Variants in PRR5L observed in about 807,000 individuals in gnomAD.
The protein encoded by PRR5L is proline-rich protein 5-like.
Under a neutral mutation model 36.4 loss-of-function variants are expected in PRR5L, and 21 were observed. That is an observed-to-expected ratio of 0.58 (90% confidence interval 0.41 to 0.83). The LOEUF is 0.83. Among genes scored for constraint, PRR5L ranks in the 40% least tolerant of loss-of-function variants. PRR5L has a pLI of 0.00. For synonymous variants in PRR5L, 188 were observed against 197.0 expected, an observed-to-expected ratio of 0.95 and a Z score of 0.38; for missense variants, 381 against 473.3, an observed-to-expected ratio of 0.80 and a Z score of 1.81.
At chr11:36,361,432 ATAAC>A (rs1248701508) in intron 1 of PRR5L, among the ~76,000 whole-genome samples, 2 of 152,374 alleles carry the variant, frequency 1.3e-5, no homozygotes, top group East Asian at 3.9e-4. Flanking sequence ...CGATTAATAA[ATAAC>A]CAAGGATTTT....
rs200270357 is a variant in PRR5L, at chr11:36,413,791, C to T, written c.246-5464C>T. ...GTTAGTTACATATGTATACATGTGC[C>T]ATGCTGGTGTGCTGCACCCATTAAC... On this transcript the variant is annotated intron_variant, in intron 3 of 8. Transcript: ENST00000530639. Among the ~76,000 whole-genome samples, 56 of 149,960 alleles carry T rather than the reference C, an allele frequency of 3.7e-4. 1 individual carries two copies. In the East Asian group the frequency reaches 0.011, roughly 30 times the overall value.
chr11:36,377,093 C>T lies in PRR5L; in HGVS notation c.-125-23904C>T, dbSNP rs559295381. Among the ~76,000 whole-genome samples the T allele has an allele frequency of 3.3e-5, 5 of 152,290 alleles. No homozygotes were observed. The South Asian group carries it at 1.0e-3, about 32-fold the overall frequency. ...CGGCTTGTTTGACTCTCTCGTTCTCCCTCTGGGGGGCAAATCTAAAGAGCT... is the reference window on the plus strand; with the variant it reads ...CGGCTTGTTTGACTCTCTCGTTCTCTCTCTGGGGGGCAAATCTAAAGAGCT... On this transcript the variant is annotated intron_variant, in intron 1 of 8. Transcript: ENST00000530639. The surrounding 1 kb of genome is among the most constrained non-coding windows in gnomAD (Gnocchi z 5.1).
intron 1 of PRR5L, among the ~76,000 whole-genome samples, chr11:36,326,018 A>G (rs1235536170): frequency 6.6e-6 from 1 of 152,158 alleles, no homozygotes; most frequent in Non-Finnish European, 1.5e-5. Flanking sequence ...GAGTATTTCA[A>G]ATTATTTTTC....
At chr11:36,360,075 CCACA>C (rs34673599) in intron 1 of PRR5L, among the ~76,000 whole-genome samples, 83 of 147,946 alleles carry the variant, frequency 5.6e-4, no homozygotes, top group African/African-American at 7.5e-4. Context: ...ACACACACAC[CCACA>C]CACACACACA....
chr11:36,327,286 A>T (rs915629801), intron 1 of PRR5L, among the ~76,000 whole-genome samples: 10 of 152,310 alleles, frequency 6.6e-5, no homozygotes, highest in Middle Eastern at 3.4e-3. Flanking sequence ...TCATGCCATG[A>T]TGGGAATCGG....
chr11:36,336,638 A>G (rs776343419), intron 1 of PRR5L, among the ~76,000 whole-genome samples: 2 of 148,116 alleles, frequency 1.4e-5, no homozygotes, highest in Non-Finnish European at 3.0e-5. Context: ...AGTACCTGGT[A>G]GGTGCTTAAG....
chr11:36,439,136 A>G (rs978856881), intron 6 of PRR5L, among the ~76,000 whole-genome samples: 10 of 152,164 alleles, frequency 6.6e-5, no homozygotes, highest in African/African-American at 2.4e-4. Context: ...TTGAATCAGT[A>G]CCTGGCGCCT....
chr11:36,432,938 C>T (rs1858531557), intron 5 of PRR5L, among the ~76,000 whole-genome samples: 1 of 152,152 alleles, frequency 6.6e-6, no homozygotes. Context: ...TTAATGCTTA[C>T]CAAGCCTTGG....
intron 1 of PRR5L, among the ~76,000 whole-genome samples, chr11:36,374,080 T>G (rs193163750): frequency 6.1e-5 from 7 of 115,410 alleles, no homozygotes; most frequent in African/African-American, 1.9e-4. Flanking sequence ...CTTCCTTCCT[T>G]CCTTCCTTCC....
intron 4 of PRR5L, among the ~76,000 whole-genome samples, chr11:36,423,337 A>G (rs1399155140): frequency 1.3e-5 from 2 of 152,218 alleles, no homozygotes; most frequent in East Asian, 3.9e-4. Context: ...AGTTTCCCCT[A>G]GAGTTTACAG....
At chr11:36,355,961 T>A (rs948535527) in intron 1 of PRR5L, among the ~76,000 whole-genome samples, 10 of 151,808 alleles carry the variant, frequency 6.6e-5, no homozygotes, top group African/African-American at 2.4e-4. Flanking sequence ...TTGCCCAAGA[T>A]GAAGTGCAGT....
chr11:36,432,042 C>T, intron 5 of PRR5L, 132 bp downstream of exon 5: 1 of 671,206 alleles, frequency 1.5e-6, no homozygotes, highest in Non-Finnish European at 2.6e-6. Flanking sequence ...TCCTCCCTAC[C>T]TAGGCAGCAG....
intron 1 of PRR5L, among the ~76,000 whole-genome samples, chr11:36,359,766 C>T (rs558400688): frequency 5.3e-5 from 8 of 152,206 alleles, no homozygotes; most frequent in South Asian, 2.1e-4. Flanking sequence ...GAAGCCTGGC[C>T]GAGTGCAGTG....
intron 1 of PRR5L, among the ~76,000 whole-genome samples, chr11:36,299,782 G>A (rs1212831026): frequency 6.6e-6 from 1 of 152,134 alleles, no homozygotes; most frequent in Middle Eastern, 3.2e-3. Flanking sequence ...ACTTCTCTGG[G>A]CCTTCATCAT....
At chr11:36,395,446 A>G (rs1339224087) in intron 1 of PRR5L, among the ~76,000 whole-genome samples, 1 of 152,232 alleles carries the variant, frequency 6.6e-6, no homozygotes, top group Non-Finnish European at 1.5e-5. Context: ...GCCACATTTC[A>G]AGTTCTCAAT....
At chr11:36,366,079 C>G (rs778570903) in intron 1 of PRR5L, among the ~76,000 whole-genome samples, 4 of 152,208 alleles carry the variant, frequency 2.6e-5, no homozygotes, top group Non-Finnish European at 5.9e-5. Context: ...TTGCAACTTC[C>G]TCTTCCTTAA....
At chr11:36,445,333 G>C (rs1362721245) in intron 6 of PRR5L, among the ~76,000 whole-genome samples, 1 of 152,108 alleles carries the variant, frequency 6.6e-6, no homozygotes, top group Non-Finnish European at 1.5e-5. Context: ...TTTCTCTTTT[G>C]TTCTTGAAAA....
chr11:36,308,398 G>A (rs1297814615), intron 1 of PRR5L, among the ~76,000 whole-genome samples: 1 of 152,202 alleles, frequency 6.6e-6, no homozygotes, highest in Non-Finnish European at 1.5e-5. Context: ...GTTTTTAGAA[G>A]TGAAGTAGTT....
intron 1 of PRR5L, among the ~76,000 whole-genome samples, chr11:36,340,457 A>G (rs1368170716): frequency 6.6e-6 from 1 of 152,232 alleles, no homozygotes; most frequent in East Asian, 1.9e-4. Context: ...GTGCGCATGC[A>G]TATAACACTA....
Sources: gnomAD v4.1 joint callset for allele counts (sites outside exome capture counted in the v4.1 genomes callset) on GRCh38, gnomAD v4.1.1 for gene constraint, Gnocchi (gnomAD v3.1) non-coding constraint, MANE v1.5 for transcripts, NCBI Gene and HGNC (gene_info 2026-07-23, HGNC 2026-07-21) for gene names.